Variants in ANKRD36C observed in about 807,000 individuals in gnomAD.
ANKRD36C encodes the protein ankyrin repeat domain-containing protein 36C.
In ANKRD36C, 61 loss-of-function variants were observed where a neutral mutation model predicts 276.4. That is an observed-to-expected ratio of 0.22 (90% CI 0.18 to 0.27). ANKRD36C has a LOEUF of 0.27. Among genes scored for constraint, ANKRD36C ranks in the 10% least tolerant of loss-of-function variants. The pLI is 1.00. For missense variants in ANKRD36C, 1,447 were observed against 2,032.3 expected (o/e 0.71, Z 5.54); for synonymous variants, 483 against 680.1 (o/e 0.71, Z 4.51).
chr2:95,963,062 T>C (rs182359698), intron 6 of ANKRD36C, among the ~76,000 whole-genome samples: 1 of 152,072 alleles, frequency 6.6e-6, no homozygotes, highest in African/African-American at 2.4e-5. Context: ...TCAGTGGAAG[T>C]GTCCTAAATT....
intron 6 of ANKRD36C, among the ~76,000 whole-genome samples, chr2:95,967,562 T>C (rs866883227): frequency 7.9e-5 from 12 of 152,100 alleles, no homozygotes; most frequent in South Asian, 2.1e-4. Context: ...AGTTCAACCA[T>C]TGTGGAAGAC....
chr2:95,907,229 T>G (rs1356146829), intron 42 of ANKRD36C: 2 of 31,952 alleles, frequency 6.3e-5, no homozygotes, highest in Non-Finnish European at 1.3e-4. Flanking sequence ...TACACCATTA[T>G]ACTACAAACA....
chr2:95,850,054 G>C (rs1388689953), downstream of ANKRD36C, among the ~76,000 whole-genome samples: 3 of 150,882 alleles, frequency 2.0e-5, no homozygotes, highest in Admixed American at 6.6e-5. Flanking sequence ...TTAACTAAGA[G>C]AAAGTCAGTA....
At chr2:95,978,438 C>T (rs902190180) in intron 5 of ANKRD36C, among the ~76,000 whole-genome samples, 1 of 152,052 alleles carries the variant, frequency 6.6e-6, no homozygotes, top group Non-Finnish European at 1.5e-5. Flanking sequence ...AATGGAAAGT[C>T]ACCTTCCTGG....
intron 6 of ANKRD36C, among the ~76,000 whole-genome samples, chr2:95,973,576 C>G (rs983894526): frequency 8.1e-4 from 123 of 152,120 alleles, no homozygotes; most frequent in Non-Finnish European, 1.1e-3. Flanking sequence ...TCTTATAAAA[C>G]TAAAAATATC....
intron 44 of ANKRD36C, 110 bp from the exon 65 acceptor site, chr2:95,891,970 G>C: frequency 6.6e-7 from 1 of 1,505,688 alleles, no homozygotes; most frequent in African/African-American, 1.4e-5. Context: ...TATTAGCGTA[G>C]GCTTTGATGG....
At chr2:95,971,441 T>C (rs1321724447) in intron 6 of ANKRD36C, among the ~76,000 whole-genome samples, 1 of 151,972 alleles carries the variant, frequency 6.6e-6, no homozygotes, top group Non-Finnish European at 1.5e-5. Flanking sequence ...ATATCAAAAA[T>C]CTCTTTAGGT....
rs2104535088 is a variant in ANKRD36C at position 95,980,584 on chromosome 2, C to A, written c.731+64G>T. On this transcript the variant is annotated intron_variant, in intron 5 of 66. Transcript: ENST00000456556. ...GCAATCTCACCTGATATATAAGATG[C>A]AATTGCTACAATTATTTTAAACTTC... 4.5e-6 allele frequency: 7 copies of A among 1,552,082 alleles called. No homozygotes were observed. In the East Asian group the frequency reaches 1.4e-4, roughly 30 times the overall value.
intron 61 of ANKRD36C, among the ~76,000 whole-genome samples, chr2:95,858,222 T>C (rs1573720339): frequency 1.3e-5 from 2 of 152,150 alleles, no homozygotes; most frequent in Non-Finnish European, 2.9e-5. Flanking sequence ...TGGTCACTCA[T>C]GTTTGGCTCA....
Position 95,919,777 on chromosome 2 carries a change from A to C in ANKRD36C, c.2246-1735T>G, listed in dbSNP as rs150256107. On this transcript the variant is annotated intron_variant, in intron 34 of 66. Coordinates refer to ENST00000456556, the Ensembl canonical transcript of ANKRD36C. Reference sequence around the variant, plus strand: ...ATCCTTTATTTCTGTGGCTATATTCAAAACAGAATCTTCCTCGTCAGTTGT... The same window carrying C: ...ATCCTTTATTTCTGTGGCTATATTCCAAACAGAATCTTCCTCGTCAGTTGT... 3 of 1,392,048 alleles carry C rather than the reference A, an allele frequency of 2.2e-6. 1 individual carries two copies. The highest frequency in any genetic ancestry group is 2.5e-5 in the South Asian group (2 of 80,990). The allele number at this position is 1,392,048 out of a possible 1,614,324, so 86.2% of individuals were successfully genotyped here. A position where few individuals can be genotyped will look rare whatever the true frequency, so the allele number is the denominator to read the frequency against.
rs1315538903 is a variant in ANKRD36C at position 95,851,742 on chromosome 2, C to T, written c.5265G>A (p.Gln1755=). Residue 1755 remains glutamine (Q), a synonymous_variant, in exon 66 of 67, where the codon CAG becomes CAA. Transcript: ENST00000456556. ...TCTCAAACCGCTCAATTTGTTCATC[C>T]TGTTTTTTAATAATTTTTCTCATCA... is the stretch of plus-strand genomic sequence containing the variant. 13 of 1,535,062 alleles carry T rather than the reference C, an allele frequency of 8.5e-6. No individual in the cohort carries two copies. In the Admixed American group the frequency reaches 1.9e-4, roughly 23 times the overall value.
intron 22 of ANKRD36C, among the ~76,000 whole-genome samples, chr2:95,936,892 C>T (rs1409310221): frequency 1.3e-5 from 2 of 152,376 alleles, no homozygotes; most frequent in Admixed American, 6.5e-5. Flanking sequence ...TCCTTCTTCA[C>T]AACAGCAGCC....
rs1349521250 is a variant in ANKRD36C at position 95,893,413 on chromosome 2, A to C, written c.2756-1553T>G. 5 of 1,392,052 alleles carry C rather than the reference A, an allele frequency of 3.6e-6. No homozygotes were observed. In the African/African-American group the frequency reaches 7.3e-5, roughly 20 times the overall value. The allele number at this position is 1,392,052 out of a possible 1,614,324, so 86.2% of individuals were successfully genotyped here. A position where few individuals can be genotyped will look rare whatever the true frequency, so the allele number is the denominator to read the frequency against. ...CCCAAGAACTTACTACAAATGAAGA[A>C]TCTCCGGCCTGCTGAATCAGAAAGT... On this transcript the variant is annotated intron_variant, in intron 44 of 66. Coordinates refer to ENST00000456556, the Ensembl canonical transcript of ANKRD36C.
rs980171910 is a variant in ANKRD36C at position 95,912,207 on chromosome 2, G to C, written c.2653+37C>G. 3 of 1,541,540 alleles carry C rather than the reference G, an allele frequency of 1.9e-6. No homozygotes were observed. The African/African-American group carries it at 4.1e-5, about 21-fold the overall frequency. On this transcript the variant is annotated intron_variant, in intron 42 of 66. Coordinates refer to ENST00000456556, the Ensembl canonical transcript of ANKRD36C. ...TTCGGGGAAGAGAACTTCTTATCTG[G>C]ACTGCACATGACATTAAATGTGTTT... is the stretch of plus-strand genomic sequence containing the variant.
intron 59 of ANKRD36C, among the ~76,000 whole-genome samples, chr2:95,869,983 C>T (rs1342130570): frequency 6.6e-6 from 1 of 152,236 alleles, no homozygotes; most frequent in African/African-American, 2.4e-5. Context: ...ATTGCCCAGG[C>T]TTGCTTAGGT....
exon 63 of ANKRD36C, chr2:95,855,751 C>G: frequency 1.2e-6 from 2 of 1,613,780 alleles, no homozygotes. Context: ...TTCAAATTTT[C>G]CTGTAAATGA....
At chr2:95,933,667 G>C (rs911726507) in intron 24 of ANKRD36C, among the ~76,000 whole-genome samples, 1 of 152,110 alleles carries the variant, frequency 6.6e-6, no homozygotes, top group African/African-American at 2.4e-5. Flanking sequence ...AGCTGAAGGA[G>C]ATTTGGGACT....
intron 36 of ANKRD36C, among the ~76,000 whole-genome samples, chr2:95,917,616 T>A (rs919417266): frequency 2.0e-5 from 3 of 151,510 alleles, no homozygotes; most frequent in Non-Finnish European, 4.4e-5. Context: ...TCTCTCCATA[T>A]TTCTTCTTCC....
chr2:95,850,838 G>C (rs1033744965), downstream of ANKRD36C, among the ~76,000 whole-genome samples: 6 of 152,172 alleles, frequency 3.9e-5, no homozygotes, highest in African/African-American at 1.4e-4. Flanking sequence ...AGAAGTTGAC[G>C]ATGCCTTTGT....
Sources: gnomAD v4.1 joint callset for allele counts (sites outside exome capture counted in the v4.1 genomes callset) on GRCh38, gnomAD v4.1.1 for gene constraint, MANE v1.5 for transcripts, NCBI Gene and HGNC (gene_info 2026-07-23, HGNC 2026-07-21) for gene names.